KLHL29: variants seen among roughly 807,000 people sequenced by gnomAD.
KLHL29 encodes kelch-like protein 29.
Under a neutral mutation model 80.4 loss-of-function variants are expected in KLHL29, and 21 were observed. The ratio of observed to expected loss-of-function variants is 0.26; its 90% CI spans 0.19 to 0.38. The LOEUF (loss-of-function observed/expected upper bound fraction) is 0.38. KLHL29 is among the 10% of genes least tolerant of loss of function. The probability of loss-of-function intolerance (pLI) is 1.00; values close to 1 mark genes in which losing one functional copy is unlikely to be tolerated. For missense variants in KLHL29, 867 were observed against 1,223.9 expected (o/e 0.71, Z 4.35); for synonymous variants, 511 against 526.8 (o/e 0.97, Z 0.41).
intron 3 of KLHL29, among the ~76,000 whole-genome samples, chr2:23,599,369 G>C (rs1388017446): frequency 6.6e-6 from 1 of 152,134 alleles, no homozygotes; most frequent in East Asian, 1.9e-4. Context: ...TTTCTCATCC[G>C]TAATAACAAG....
intron 2 of KLHL29, among the ~76,000 whole-genome samples, chr2:23,543,392 G>A (rs946656757): frequency 5.3e-5 from 8 of 152,098 alleles, no homozygotes; most frequent in Admixed American, 2.0e-4. Flanking sequence ...CGGGATGTGC[G>A]GGAGGGTTAA....
chr2:23,627,378 C>T (rs1441862069), intron 3 of KLHL29, among the ~76,000 whole-genome samples: 1 of 152,256 alleles, frequency 6.6e-6, no homozygotes, highest in Non-Finnish European at 1.5e-5. Context: ...ACAAAGCAGC[C>T]AGCGCCCAGG....
chr2:23,603,256 A>G (rs528320055), intron 3 of KLHL29, among the ~76,000 whole-genome samples: 2 of 152,332 alleles, frequency 1.3e-5, no homozygotes, highest in South Asian at 4.1e-4. Context: ...CAGAAAAGGC[A>G]GCCAGAGGTA....
chr2:23,605,361 G>T (rs1668681625), intron 3 of KLHL29, among the ~76,000 whole-genome samples: 1 of 151,958 alleles, frequency 6.6e-6, no homozygotes, highest in South Asian at 2.1e-4. Context: ...GCCTCCCAAA[G>T]TGCTGAGATC....
intron 1 of KLHL29, among the ~76,000 whole-genome samples, chr2:23,466,418 A>T (rs563327577): frequency 6.6e-6 from 1 of 152,236 alleles, no homozygotes; most frequent in South Asian, 2.1e-4. Flanking sequence ...GATATGTAGT[A>T]TTTTTATTTG....
chr2:23,386,488 G>A (rs950710054), intron 1 of KLHL29, among the ~76,000 whole-genome samples: 5 of 152,216 alleles, frequency 3.3e-5, no homozygotes, highest in African/African-American at 1.2e-4. Context: ...GTGGGGGGAC[G>A]CGGAAAGGAG....
At chr2:23,624,727 A>G (rs1394876156) in intron 3 of KLHL29, among the ~76,000 whole-genome samples, 1 of 152,184 alleles carries the variant, frequency 6.6e-6, no homozygotes, top group African/African-American at 2.4e-5. Flanking sequence ...ATGGAGAAAG[A>G]CTGTGCCTTT....
chr2:23,695,876 T>C lies in KLHL29; in HGVS notation c.1741+55T>C. On this transcript the variant is annotated intron_variant, in intron 9 of 13. Coordinates refer to ENST00000486442, the MANE Select transcript of KLHL29 (RefSeq NM_052920.2). This position sits in a 1 kb window ranked among gnomAD's most constrained non-coding sequence, Gnocchi z 7.6. ...AGAAGCAGTGTCTTGGGCTCAGTGG[T>C]TCCAGTGAGGTGCCAGGCACAGATG... The C allele has an allele frequency of 6.5e-7, 1 of 1,534,610 alleles. No homozygotes were observed. Among genetic ancestry groups the C allele is most frequent in the Non-Finnish European group, 8.8e-7 (1 of 1,138,842 alleles).
intron 2 of KLHL29, among the ~76,000 whole-genome samples, chr2:23,513,510 G>A (rs1401840116): frequency 3.9e-5 from 6 of 152,122 alleles, no homozygotes; most frequent in Non-Finnish European, 8.8e-5. Context: ...GTTTCGTTTT[G>A]GATGATCATT....
Position 23,562,246 on chromosome 2 carries a change from A to G in KLHL29, c.50A>G (p.Asp17Gly), listed in dbSNP as rs1572402375. The G allele has an allele frequency of 1.9e-6, 3 of 1,550,256 alleles. No homozygotes were observed. The African/African-American group carries it at 4.1e-5, about 21-fold the overall frequency. Reference protein sequence around the residue: ...RFERDYRVGWDRREWSVNGTH... With the variant: ...RFERDYRVGWGRREWSVNGTH... ...GAAAGAGATTACCGGGTGGGCTGGGACCGCCGCGAATGGAGCGTCAACGGG... is the reference window on the plus strand; with the variant it reads ...GAAAGAGATTACCGGGTGGGCTGGGGCCGCCGCGAATGGAGCGTCAACGGG... The change falls in exon 3 of 14, where the codon GAC (aspartate) becomes GGC (glycine). Residue 17 changes from aspartate to glycine, a missense_variant. Around this residue, in one of 2 missense-constraint regions of KLHL29, gnomAD observed 424 missense variants for 456.9 expected, o/e 0.93. Transcript: ENST00000486442. This position sits in a 1 kb window ranked among gnomAD's most constrained non-coding sequence, Gnocchi z 4.5.
intron 2 of KLHL29, among the ~76,000 whole-genome samples, chr2:23,552,761 C>CTTTTTTCTTTTT (rs1667161020): frequency 1.0e-5 from 1 of 95,576 alleles, no homozygotes; most frequent in Admixed American, 1.3e-4. Context: ...GGTTTCTTTT[C>CTTTTTTCTTTTT]TTTTTTTTTT....
intron 1 of KLHL29, among the ~76,000 whole-genome samples, chr2:23,443,258 C>T (rs1465574813): frequency 6.6e-6 from 1 of 152,100 alleles, no homozygotes; most frequent in Non-Finnish European, 1.5e-5. Context: ...GTACCTTCAC[C>T]CCTAAGTACT....
At chr2:23,441,495 A>G (rs1457328301) in intron 1 of KLHL29, among the ~76,000 whole-genome samples, 1 of 136,042 alleles carries the variant, frequency 7.4e-6, no homozygotes, top group South Asian at 2.4e-4. Flanking sequence ...TAATAATAAT[A>G]ATTAATAATA....
chr2:23,589,250 G>C (rs1474793730), intron 3 of KLHL29, among the ~76,000 whole-genome samples: 1 of 152,262 alleles, frequency 6.6e-6, no homozygotes, highest in Admixed American at 6.5e-5. Context: ...CACTTCCCCT[G>C]GTGAAGGAAA....
Position 23,417,688 on chromosome 2 carries a change from C to G in KLHL29, c.-154+31908C>G, listed in dbSNP as rs551007551. Among the ~76,000 whole-genome samples, 64 of 152,278 alleles carry G rather than the reference C, an allele frequency of 4.2e-4. 1 individual carries two copies. In the South Asian group the frequency reaches 0.013, roughly 32 times the overall value. ...ATCACTGCATTGTCTCTCCTCCAGCCTCACCTTTCTCTCCCCTCCAGCCTC... is the reference window on the plus strand; with the variant it reads ...ATCACTGCATTGTCTCTCCTCCAGCGTCACCTTTCTCTCCCCTCCAGCCTC... On this transcript the variant is annotated intron_variant, in intron 1 of 13. Coordinates refer to ENST00000486442, the MANE Select transcript of KLHL29 (RefSeq NM_052920.2).
chr2:23,639,286 T>C lies in KLHL29; in HGVS notation c.427+6T>C. The C allele has an allele frequency of 1.4e-5, 21 of 1,545,602 alleles. No homozygotes were observed. Among genetic ancestry groups the C allele is most frequent in the Non-Finnish European group, 1.8e-5 (21 of 1,144,650 alleles). On this transcript the variant is annotated splice_donor_region_variant and intron_variant, in intron 4 of 13. Coordinates refer to ENST00000486442, the MANE Select transcript of KLHL29 (RefSeq NM_052920.2). ...GAGAGAGAGTGACAATCCAGGTACG[T>C]ACCTCATCGGCAGATAGAAACGACT...
chr2:23,587,146 C>T (rs935084507), intron 3 of KLHL29, among the ~76,000 whole-genome samples: 3 of 152,146 alleles, frequency 2.0e-5, no homozygotes, highest in South Asian at 2.1e-4. Flanking sequence ...CTGTGGTTCC[C>T]TCTCAGCGTG....
At chr2:23,545,227 G>A (rs1666951941) in intron 2 of KLHL29, among the ~76,000 whole-genome samples, 1 of 152,194 alleles carries the variant, frequency 6.6e-6, no homozygotes, top group South Asian at 2.1e-4. Flanking sequence ...CTGGTCATGA[G>A]TCCAGGAAAA....
rs1177265738 is a variant in KLHL29, at chr2:23,682,256, C to T, written c.941-2143C>T. On this transcript the variant is annotated intron_variant, in intron 5 of 13. Coordinates refer to ENST00000486442, the MANE Select transcript of KLHL29 (RefSeq NM_052920.2). This position sits in a 1 kb window ranked among gnomAD's most constrained non-coding sequence, Gnocchi z 4.1. ...ATCAGCAGCACTGCACACTCCCACC[C>T]GCTGAGCGCTCCCTGTGTGCCCGCC... 1.3e-5 allele frequency among the ~76,000 whole-genome samples: 2 copies of T among 152,204 alleles called. No homozygotes were observed. The highest frequency in any genetic ancestry group is 2.4e-5 in the African/African-American group (1 of 41,452).
Sources: allele counts gnomAD v4.1 joint callset (sites outside exome capture counted in the v4.1 genomes callset), GRCh38; gene constraint gnomAD v4.1.1; regional missense constraint gnomAD v4.1.1; non-coding constraint Gnocchi (gnomAD v3.1); transcripts MANE v1.5; gene names NCBI Gene and HGNC (gene_info 2026-07-23, HGNC 2026-07-21).